RCOR1: variants seen among roughly 807,000 people sequenced by gnomAD.
RCOR1 encodes the protein REST corepressor 1.
Under a neutral mutation model 64.0 loss-of-function variants are expected in RCOR1, and 12 were observed. That is an observed-to-expected ratio of 0.19 (90% confidence interval 0.12 to 0.30). The LOEUF (loss-of-function observed/expected upper bound fraction) is 0.30. Ranked by LOEUF, RCOR1 falls within the 10% of genes least tolerant of loss-of-function variation. The pLI is 1.00. For synonymous variants in RCOR1, 279 were observed against 227.2 expected, an observed-to-expected ratio of 1.23 and a Z score of -2.05; for missense variants, 502 against 621.2, an observed-to-expected ratio of 0.81 and a Z score of 2.04.
intron 3 of RCOR1, among the ~76,000 whole-genome samples, chr14:102,683,633 T>C (rs1895349203): frequency 6.6e-6 from 1 of 152,224 alleles, no homozygotes; most frequent in Admixed American, 6.5e-5. Flanking sequence ...CGGAGGATGC[T>C]TTGGGCCAAG....
intron 1 of RCOR1, 29 bp downstream of exon 1, chr14:102,593,216 G>C: frequency 1.4e-6 from 2 of 1,478,518 alleles, no homozygotes; most frequent in South Asian, 1.3e-5. Context: ...CGCGGCCCCG[G>C]GCCCCGCGCC....
At chr14:102,726,398 T>G (rs1029365647) in intron 11 of RCOR1, 70 bp from the exon 12 acceptor site, 1 of 1,407,324 alleles carries the variant, frequency 7.1e-7, no homozygotes, top group East Asian at 2.3e-5. Flanking sequence ...TTCAGTACAC[T>G]GGAAATAGCA....
chr14:102,636,223 C>T (rs2139915961), intron 2 of RCOR1, among the ~76,000 whole-genome samples: 1 of 152,190 alleles, frequency 6.6e-6, no homozygotes, highest in East Asian at 1.9e-4. Flanking sequence ...TAGGCGTGAG[C>T]AACCACACCC....
chr14:102,613,575 G>A (rs1893681914), intron 2 of RCOR1, among the ~76,000 whole-genome samples: 1 of 151,636 alleles, frequency 6.6e-6, no homozygotes, highest in Admixed American at 6.6e-5. Context: ...TGGGACTACA[G>A]GCGCCCGCCA....
intron 2 of RCOR1, among the ~76,000 whole-genome samples, chr14:102,602,489 C>A (rs970635109): frequency 6.7e-6 from 1 of 150,342 alleles, no homozygotes; most frequent in South Asian, 2.1e-4. Flanking sequence ...CTGTAACCTC[C>A]GCCTCCCCGG....
chr14:102,648,123 A>G (rs557713990), intron 2 of RCOR1, among the ~76,000 whole-genome samples: 1 of 151,268 alleles, frequency 6.6e-6, no homozygotes, highest in Admixed American at 6.6e-5. Flanking sequence ...CTGTCACCCA[A>G]GCTGGAATGT....
intron 2 of RCOR1, among the ~76,000 whole-genome samples, chr14:102,624,191 G>A (rs1453082249): frequency 6.8e-6 from 1 of 147,654 alleles, no homozygotes; most frequent in Non-Finnish European, 1.5e-5. Context: ...GGGAGACTCC[G>A]TCTCACATAA....
At chr14:102,685,496 T>G (rs532499593) in intron 3 of RCOR1, among the ~76,000 whole-genome samples, 1 of 152,128 alleles carries the variant, frequency 6.6e-6, no homozygotes, top group Non-Finnish European at 1.5e-5. Context: ...TTTTTTTTTT[T>G]TTTGAGACAG....
intron 8 of RCOR1, 141 bp downstream of exon 8, chr14:102,714,758 A>C: frequency 1.7e-6 from 1 of 605,738 alleles, no homozygotes; most frequent in Non-Finnish European, 2.8e-6. Context: ...GATCTTAAGT[A>C]CCAGCCCATT....
chr14:102,704,677 A>G (rs11847277), intron 4 of RCOR1, among the ~76,000 whole-genome samples: 67,897 of 152,150 alleles, frequency 0.45, 16,648 homozygotes, highest in African/African-American at 0.66. Flanking sequence ...TGATCCACTC[A>G]CGTCGGCCTT....
At chr14:102,706,114 CAAAA>C (rs71119732) in intron 4 of RCOR1, among the ~76,000 whole-genome samples, 41 of 21,330 alleles carry the variant, frequency 1.9e-3, no homozygotes, top group African/African-American at 3.5e-3. Flanking sequence ...AACCCTGTCT[CAAAA>C]AAAAAAAAAA....
chr14:102,630,061 C>G (rs779864348), intron 2 of RCOR1: 1 of 855,826 alleles, frequency 1.2e-6, no homozygotes, highest in Non-Finnish European at 1.4e-6. Flanking sequence ...GTGGTTTGTC[C>G]TTAGCAAACC....
At chr14:102,649,321 GA>G (rs949195200) in intron 2 of RCOR1, among the ~76,000 whole-genome samples, 5 of 152,232 alleles carry the variant, frequency 3.3e-5, no homozygotes, top group African/African-American at 1.2e-4. Context: ...AATAAACTGA[GA>G]AAAAAAGTAC....
intron 3 of RCOR1, among the ~76,000 whole-genome samples, chr14:102,692,941 T>G (rs1254377726): frequency 6.6e-6 from 1 of 151,904 alleles, no homozygotes; most frequent in African/African-American, 2.4e-5. Flanking sequence ...AATTTTCATA[T>G]TTTTAGTAGA....
intron 7 of RCOR1, among the ~76,000 whole-genome samples, chr14:102,712,958 T>G (rs978027776): frequency 5.0e-5 from 7 of 141,022 alleles, no homozygotes; most frequent in African/African-American, 1.0e-4. Context: ...TTTTTTTTTT[T>G]TTTTTTTTTT....
chr14:102,603,885 T>G (rs1210082905), intron 2 of RCOR1, among the ~76,000 whole-genome samples: 4 of 152,170 alleles, frequency 2.6e-5, no homozygotes, highest in Non-Finnish European at 5.9e-5. Context: ...TTTGGTTTTT[T>G]GTATGGATTT....
At chr14:102,657,152 A>G in intron 2 of RCOR1, 1 of 895,402 alleles carries the variant, frequency 1.1e-6, no homozygotes, top group Non-Finnish European at 1.3e-6. Flanking sequence ...CAAAACACAT[A>G]GGGTAGAAAC....
chr14:102,593,101 G>A lies in RCOR1; in HGVS notation c.215G>A (p.Ser72Asn). The change falls in exon 1 of 12, where the codon AGT becomes AAT. Residue 72 changes from serine (S) to asparagine (N), a missense_variant. Transcript: ENST00000262241. ...AAAPNNGQNKSLAAAAPNGNS... is the reference protein window; with the variant it reads ...AAAPNNGQNKNLAAAAPNGNS... ...GCCCCCAATAATGGCCAGAATAAAA[G>A]TTTGGCGGCGGCGGCGCCCAATGGC... The A allele has an allele frequency of 6.7e-7, 1 of 1,499,390 alleles. No homozygotes were observed. The highest frequency in any genetic ancestry group is 8.9e-7 in the Non-Finnish European group (1 of 1,127,684). 92.9% of individuals were successfully genotyped at this position (1,499,390 alleles called of 1,614,324 possible).
rs376050613 is a variant in RCOR1 at position 102,718,587 on chromosome 14, T to G, written c.1054-2420T>G. On this transcript the variant is annotated intron_variant, in intron 8 of 11. Coordinates refer to ENST00000262241, the MANE Select transcript of RCOR1 (RefSeq NM_015156.4). ...AAGTTCTGTATGACTGAGGGTTGGG[T>G]GGGAGGGTGGTGTCTAGGTAGGGCG... 4.7e-3 allele frequency among the ~76,000 whole-genome samples: 570 copies of G among 121,088 alleles called. 5 individuals are homozygous for G. The South Asian group carries it at 0.06, about 13-fold the overall frequency. 79.4% of individuals were successfully genotyped at this position (121,088 alleles called of 152,430 possible). A position where few individuals can be genotyped will look rare whatever the true frequency, so the allele number is the denominator to read the frequency against.
Sources: gnomAD v4.1 joint callset for allele counts (sites outside exome capture counted in the v4.1 genomes callset) on GRCh38, gnomAD v4.1.1 for gene constraint, MANE v1.5 for transcripts, NCBI Gene and HGNC (gene_info 2026-07-23, HGNC 2026-07-21) for gene names.